EPHA10: variants seen among roughly 807,000 people sequenced by gnomAD.
The protein encoded by EPHA10 is EPH receptor A10.
In EPHA10, 120 loss-of-function variants were observed where a neutral mutation model predicts 109.7. The ratio of observed to expected loss-of-function variants is 1.09; its 90% CI spans 0.94 to 1.27. EPHA10 has a LOEUF of 1.27. Among genes scored for constraint, EPHA10 ranks in the 50% most tolerant of loss-of-function variants. EPHA10 has a pLI of 0.00. For synonymous variants in EPHA10, 640 were observed against 618.9 expected (o/e 1.03, Z -0.51); for missense variants, 1,396 against 1,411.1 (o/e 0.99, Z 0.17).
Position 37,764,635 on chromosome 1 carries a change from A to C in EPHA10, c.106+326T>G, listed in dbSNP as rs890129124. On this transcript the variant is annotated intron_variant, in intron 1 of 16. Transcript: ENST00000373048. The surrounding 1 kb of genome is among the most constrained non-coding windows in gnomAD (Gnocchi z 5.8). ...CCGCATCTCCCTGTCTCCACTCTTCATCTCCCCGCCCCCGCACCTCCCACC... is the reference window on the plus strand; with the variant it reads ...CCGCATCTCCCTGTCTCCACTCTTCCTCTCCCCGCCCCCGCACCTCCCACC... Among the ~76,000 whole-genome samples the C allele has an allele frequency of 1.3e-5, 2 of 150,992 alleles. No homozygotes were observed. The highest frequency in any genetic ancestry group is 2.4e-5 in the African/African-American group (1 of 40,988).
chr1:37,751,226 GAAAGAA>G lies in EPHA10; in HGVS notation c.1357+1644_1357+1649del, dbSNP rs1338414465. Among the ~76,000 whole-genome samples the G allele has an allele frequency of 8.4e-3, 708 of 83,858 alleles. 15 individuals carry two copies. Among genetic ancestry groups the G allele is most frequent in the African/African-American group, 0.028 (670 of 23,980 alleles). The allele number at this position is 83,858 out of a possible 152,430, so 55.0% of individuals were successfully genotyped here. A position where few individuals can be genotyped will look rare whatever the true frequency, so the allele number is the denominator to read the frequency against. On this transcript the variant is annotated intron_variant, in intron 5 of 16. Coordinates refer to ENST00000373048, the MANE Select transcript of EPHA10 (RefSeq NM_001099439.2). The stretch of plus-strand genomic sequence containing the variant: ...CAAAAAAAAAAAAAAAAGAAAGAAA[GAAAGAA>G]AAAGAAAAAGAAAAAAAAAAAAGAA...
At chr1:37,752,794 G>A (rs1646348079) in intron 5 of EPHA10, 82 bp downstream of exon 5, 4 of 1,042,894 alleles carry the variant, frequency 3.8e-6, no homozygotes, top group Non-Finnish European at 3.6e-6. Context: ...TGGGGCTCCC[G>A]CAGGACCGAC....
chr1:37,754,028 C>T lies in EPHA10; in HGVS notation c.1006+187G>A, dbSNP rs923913794. On this transcript the variant is annotated intron_variant, in intron 4 of 16. Coordinates refer to ENST00000373048, the MANE Select transcript of EPHA10 (RefSeq NM_001099439.2). The surrounding 1 kb of genome is among the most constrained non-coding windows in gnomAD (Gnocchi z 4.5). Reference sequence around the variant, plus strand: ...TTGTCCTGGTTCTTCTCATCAAAGGCCCCGGCCCCCAGGGCGCGTCCAGGC... The same window carrying T: ...TTGTCCTGGTTCTTCTCATCAAAGGTCCCGGCCCCCAGGGCGCGTCCAGGC... Among the ~76,000 whole-genome samples, 17 of 152,160 alleles carry T rather than the reference C, an allele frequency of 1.1e-4. No individual in the cohort carries two copies. Among genetic ancestry groups the T allele is most frequent in the African/African-American group, 4.1e-4 (17 of 41,446 alleles).
At chr1:37,741,416 C>T (rs1646151426) in intron 5 of EPHA10, among the ~76,000 whole-genome samples, 1 of 152,176 alleles carries the variant, frequency 6.6e-6, no homozygotes, top group South Asian at 2.1e-4. Flanking sequence ...GTAGGTGGCT[C>T]AGGCTCTGAC....
At chr1:37,718,622 C>A (rs763867002) in intron 16 of EPHA10, 39 bp downstream of exon 16, 1 of 1,612,904 alleles carries the variant, frequency 6.2e-7, no homozygotes, top group Non-Finnish European at 8.5e-7. Context: ...CCTGTGGAAT[C>A]CCCCAGCCCC....
chr1:37,747,446 G>A (rs1646256699), intron 5 of EPHA10, among the ~76,000 whole-genome samples: 2 of 151,856 alleles, frequency 1.3e-5, no homozygotes, highest in African/African-American at 4.8e-5. Context: ...AGCTACTTGG[G>A]AGGCTGAGGC....
At position 37,718,674 on chromosome 1, in the gene EPHA10, C is replaced by T. The variant is rs375070442; in HGVS notation, c.2899G>A (p.Glu967Lys). The change falls in exon 16 of 17, where the codon GAG becomes AAG. Residue 967 changes from glutamate to lysine, a missense_variant. Transcript: ENST00000373048. ...CCTTGGACTCACTGGGCAGTCATCT[C>T]GGCCACGGCCTCCAGGCTCCCATAG... ...AGYGSLEAVAEMTAQDLVSLG... is the reference protein window; with the variant it reads ...AGYGSLEAVAKMTAQDLVSLG... 1.2e-5 allele frequency: 20 copies of T among 1,613,086 alleles called. No individual in the cohort carries two copies. The highest frequency in any genetic ancestry group is 5.3e-5 in the African/African-American group (4 of 74,946).
At chr1:37,742,303 C>A (rs1557548539) in intron 5 of EPHA10, among the ~76,000 whole-genome samples, 1 of 152,176 alleles carries the variant, frequency 6.6e-6, no homozygotes, top group Non-Finnish European at 1.5e-5. Context: ...ACTGTCTCCC[C>A]ATAGGTGACT....
intron 5 of EPHA10, among the ~76,000 whole-genome samples, chr1:37,747,050 C>T (rs894665694): frequency 5.3e-5 from 8 of 152,052 alleles, no homozygotes; most frequent in South Asian, 4.2e-4. Context: ...CACAACTATG[C>T]GGATATATGA....
At chr1:37,723,951 C>G (rs1448472699) in intron 8 of EPHA10, among the ~76,000 whole-genome samples, 1 of 152,236 alleles carries the variant, frequency 6.6e-6, no homozygotes, top group Admixed American at 6.5e-5. Flanking sequence ...ACTTGGGGCC[C>G]CTAGGGGCAG....
At chr1:37,737,003 C>T (rs517799) in intron 5 of EPHA10, among the ~76,000 whole-genome samples, 47,809 of 152,048 alleles carry the variant, frequency 0.31, 7,887 homozygotes, top group East Asian at 0.48. Flanking sequence ...ACACTTAATA[C>T]TGTTAAAATG....
At chr1:37,742,851 G>A (rs1432569607) in intron 5 of EPHA10, among the ~76,000 whole-genome samples, 3 of 152,046 alleles carry the variant, frequency 2.0e-5, no homozygotes, top group Non-Finnish European at 4.4e-5. Flanking sequence ...AAAAAAGTTA[G>A]CTAGGCATGT....
chr1:37,761,302 G>C (rs891085099), intron 3 of EPHA10, 103 bp downstream of exon 3: 1 of 1,540,430 alleles, frequency 6.5e-7, no homozygotes, highest in East Asian at 2.3e-5. Flanking sequence ...CTTCTCCACC[G>C]CCCCCCGACC....
At chr1:37,733,579 C>A (rs1646024295) in intron 6 of EPHA10, among the ~76,000 whole-genome samples, 1 of 152,166 alleles carries the variant, frequency 6.6e-6, no homozygotes, top group Admixed American at 6.5e-5. Context: ...CCCAGCTCAA[C>A]CTTGGGGCTC....
intron 10 of EPHA10, 112 bp downstream of exon 10, chr1:37,722,929 G>A (rs531205272): frequency 1.3e-6 from 2 of 1,525,406 alleles, no homozygotes; most frequent in East Asian, 4.5e-5. Context: ...CACGAGCAGA[G>A]ACCTGGGTGG....
intron 6 of EPHA10, among the ~76,000 whole-genome samples, chr1:37,732,470 C>T (rs574015705): frequency 1.3e-5 from 2 of 152,190 alleles, no homozygotes; most frequent in Non-Finnish European, 2.9e-5. Flanking sequence ...CACTGATATT[C>T]GGTGGCTCCA....
At chr1:37,740,662 C>T (rs1266079500) in intron 5 of EPHA10, among the ~76,000 whole-genome samples, 2 of 152,060 alleles carry the variant, frequency 1.3e-5, no homozygotes, top group African/African-American at 2.4e-5. Context: ...GTTTGAGAAC[C>T]GCCAGTCTGG....
rs761998437 is a variant in EPHA10 at position 37,720,089 on chromosome 1, G to A, written c.2413-31C>T. 8.7e-6 allele frequency: 14 copies of A among 1,610,784 alleles called. 1 individual carries two copies. In the South Asian group the frequency reaches 1.3e-4, roughly 15 times the overall value. ...GGGGCAGGCAGGTCAGGGGCAAGGA[G>A]GAACTGGGTGACACGCAGGTTTCCC... On this transcript the variant is annotated intron_variant, in intron 13 of 16. Transcript: ENST00000373048.
At chr1:37,759,009 C>G (rs1646411639) in intron 3 of EPHA10, among the ~76,000 whole-genome samples, 1 of 152,322 alleles carries the variant, frequency 6.6e-6, no homozygotes, top group South Asian at 2.1e-4. Context: ...CTATCCTCAT[C>G]TCTCAATGAT....
Sources: gnomAD v4.1 joint callset for allele counts (sites outside exome capture counted in the v4.1 genomes callset) on GRCh38, gnomAD v4.1.1 for gene constraint, Gnocchi (gnomAD v3.1) non-coding constraint, MANE v1.5 for transcripts, NCBI Gene and HGNC (gene_info 2026-07-23, HGNC 2026-07-21) for gene names.